Variants in PRKN observed in about 807,000 individuals in gnomAD.
PRKN encodes the protein parkin RBR E3 ubiquitin protein ligase.
A neutral mutation model predicts 59.5 loss-of-function variants in PRKN; 56 were observed. The ratio of observed to expected loss-of-function variants is 0.94; its 90% confidence interval spans 0.76 to 1.18. The LOEUF is 1.18. PRKN is among the 50% of genes most tolerant of loss of function. The pLI, the probability that PRKN is intolerant of heterozygous loss-of-function variation, is 0.00. For missense variants in PRKN, 657 were observed against 596.4 expected, an observed-to-expected ratio of 1.10 and a Z score of -1.06; for synonymous variants, 250 against 222.1, an observed-to-expected ratio of 1.13 and a Z score of -1.12.
chr6:162,215,915 T>A (rs192113473), intron 3 of PRKN, among the ~76,000 whole-genome samples: 1 of 152,126 alleles, frequency 6.6e-6, no homozygotes, highest in East Asian at 1.9e-4. Context: ...TGGTGGTGCA[T>A]GCCTGTAATC....
At chr6:162,011,258 T>A (rs1335520092) in intron 5 of PRKN, among the ~76,000 whole-genome samples, 1 of 108,916 alleles carries the variant, frequency 9.2e-6, no homozygotes, top group Non-Finnish European at 1.7e-5. Context: ...TATAATATAG[T>A]ATATATTTAT....
At position 162,443,490 on chromosome 6, in the gene PRKN, G is replaced by T. The variant is rs552574625; in HGVS notation, c.8-17C>A. The T allele has an allele frequency of 8.6e-5, 138 of 1,613,382 alleles. No individual in the cohort carries two copies. The highest frequency in any genetic ancestry group is 2.1e-4 in the African/African-American group (16 of 75,038). ...TGACAAACACTGACCAAGGAAATTG[G>T]AAGGGAGAAGAGAAAGTGAGCATCA... On this transcript the variant is annotated splice_polypyrimidine_tract_variant and intron_variant, in intron 1 of 11. Transcript: ENST00000366898.
Position 161,372,453 on chromosome 6 carries a change from G to A in PRKN, c.1168-12248C>T, listed in dbSNP as rs185891908. Among the ~76,000 whole-genome samples the A allele has an allele frequency of 6.6e-6, 1 of 152,352 alleles. No individual in the cohort carries two copies. Among genetic ancestry groups the A allele is most frequent in the East Asian group, 1.9e-4 (1 of 5,190 alleles). On this transcript the variant is annotated intron_variant, in intron 10 of 11. Transcript: ENST00000366898. The surrounding 1 kb of genome is among the most constrained non-coding windows in gnomAD (Gnocchi z 4.2). ...AAAGTAGACTATTATTTTTGCTAGA[G>A]TGAATGCAGAAATATTTTCATTCAA...
chr6:161,742,290 C>T (rs1415892748), intron 7 of PRKN, among the ~76,000 whole-genome samples: 1 of 152,070 alleles, frequency 6.6e-6, no homozygotes. Context: ...TGGGAGTTCC[C>T]CTGCACAAGC....
intron 8 of PRKN, among the ~76,000 whole-genome samples, chr6:161,553,710 T>C (rs568499481): frequency 2.0e-5 from 3 of 152,368 alleles, no homozygotes; most frequent in African/African-American, 7.2e-5. Context: ...TTTGAATCTT[T>C]TTTTTCAATG....
chr6:161,650,192 C>A (rs79889196), intron 7 of PRKN, among the ~76,000 whole-genome samples: 3 of 152,140 alleles, frequency 2.0e-5, no homozygotes, highest in Non-Finnish European at 4.4e-5. Flanking sequence ...ACAGAGTCCA[C>A]GAGCATAATG....
chr6:162,398,030 C>T (rs1787562306), intron 2 of PRKN, among the ~76,000 whole-genome samples: 1 of 121,706 alleles, frequency 8.2e-6, no homozygotes, highest in African/African-American at 3.8e-5. Context: ...GAGCAGGATT[C>T]TGACTCAAAA....
At chr6:162,328,389 G>A (rs1783411216) in intron 2 of PRKN, among the ~76,000 whole-genome samples, 1 of 152,060 alleles carries the variant, frequency 6.6e-6, no homozygotes, top group Non-Finnish European at 1.5e-5. Context: ...ACAAAAAACA[G>A]CAAAACAAGC....
chr6:162,240,755 A>G (rs754580596), intron 3 of PRKN, among the ~76,000 whole-genome samples: 2 of 152,222 alleles, frequency 1.3e-5, no homozygotes, highest in Non-Finnish European at 2.9e-5. Flanking sequence ...GGGTGAACCC[A>G]TTAAAACTGA....
intron 1 of PRKN, among the ~76,000 whole-genome samples, chr6:162,637,130 G>A (rs1408129626): frequency 1.3e-5 from 2 of 151,894 alleles, no homozygotes; most frequent in Non-Finnish European, 2.9e-5. Context: ...GGTGGCGGGT[G>A]CCTATAATCC....
At chr6:161,490,308 TCTTGCTTGCTTGCTTG>T (rs111399768) in intron 9 of PRKN, among the ~76,000 whole-genome samples, 77 of 143,504 alleles carry the variant, frequency 5.4e-4, no homozygotes, top group South Asian at 3.4e-3. Context: ...TACTTTTCTT[TCTTGCTTGCTTGCTTG>T]CTTGCTTGCT....
intron 4 of PRKN, among the ~76,000 whole-genome samples, chr6:162,078,767 C>A (rs78692175): frequency 6.6e-6 from 1 of 151,938 alleles, no homozygotes; most frequent in African/African-American, 2.4e-5. Context: ...CTTGTAAAGG[C>A]TTTCTGTTCT....
chr6:162,679,216 C>G (rs967264450), intron 1 of PRKN, among the ~76,000 whole-genome samples: 2 of 151,992 alleles, frequency 1.3e-5, no homozygotes, highest in African/African-American at 4.8e-5. Context: ...TCTCCTGCCT[C>G]AGCCTCCCGA....
intron 2 of PRKN, among the ~76,000 whole-genome samples, chr6:162,339,049 C>T (rs1214058054): frequency 7.4e-5 from 11 of 149,208 alleles, no homozygotes; most frequent in African/African-American, 1.7e-4. Context: ...GGAGCCCCTC[C>T]GCCCGGCAGC....
At chr6:161,802,481 C>G (rs923865099) in intron 6 of PRKN, among the ~76,000 whole-genome samples, 7 of 151,740 alleles carry the variant, frequency 4.6e-5, no homozygotes, top group Admixed American at 4.6e-4. Context: ...ACGCCCCCCA[C>G]ACACCCCACA....
intron 4 of PRKN, among the ~76,000 whole-genome samples, chr6:162,126,016 G>A (rs1781109242): frequency 6.6e-6 from 1 of 152,064 alleles, no homozygotes; most frequent in Admixed American, 6.6e-5. Flanking sequence ...ACAGAAGCAG[G>A]GCTTCTGTAG....
chr6:162,655,352 G>A (rs2128227278), intron 1 of PRKN, among the ~76,000 whole-genome samples: 1 of 152,226 alleles, frequency 6.6e-6, no homozygotes, highest in East Asian at 1.9e-4. Flanking sequence ...CAAGTAAACC[G>A]TAGGGATTTT....
At chr6:162,465,061 C>T (rs1791353459) in intron 1 of PRKN, among the ~76,000 whole-genome samples, 1 of 152,070 alleles carries the variant, frequency 6.6e-6, no homozygotes, top group South Asian at 2.1e-4. Context: ...AGAATGTTTA[C>T]CTAAAACTCC....
chr6:162,314,960 G>A (rs867299397), intron 2 of PRKN, among the ~76,000 whole-genome samples: 1 of 152,120 alleles, frequency 6.6e-6, no homozygotes, highest in African/African-American at 2.4e-5. Flanking sequence ...AATGATCTTT[G>A]TGCTGTCTTC....
Sources: allele counts gnomAD v4.1 joint callset (sites outside exome capture counted in the v4.1 genomes callset), GRCh38; gene constraint gnomAD v4.1.1; non-coding constraint Gnocchi (gnomAD v3.1); transcripts MANE v1.5; gene names NCBI Gene and HGNC (gene_info 2026-07-23, HGNC 2026-07-21).